GPBP1: variants seen among roughly 807,000 people sequenced by gnomAD.
The protein encoded by GPBP1 is vasculin.
GPBP1 carries 13 observed loss-of-function variants against 56.5 expected under a neutral mutation model. The observed-to-expected ratio is 0.23, with a 90% CI of 0.15 to 0.37. The LOEUF is 0.37. GPBP1 is among the 10% of genes least tolerant of loss of function. GPBP1 has a pLI of 1.00. For missense variants in GPBP1, 477 were observed against 572.3 expected (o/e 0.83, Z 1.70); for synonymous variants, 204 against 188.9 (o/e 1.08, Z -0.66).
At chr5:57,222,541 A>T (rs1172254541) in intron 3 of GPBP1, among the ~76,000 whole-genome samples, 4 of 152,174 alleles carry the variant, frequency 2.6e-5, no homozygotes, top group South Asian at 4.1e-4. Context: ...TTTTTCAAGG[A>T]TACCATCTCT....
intron 6 of GPBP1, 62 bp from the exon 7 acceptor site, chr5:57,246,238 G>C: frequency 1.5e-6 from 2 of 1,357,338 alleles, no homozygotes; most frequent in Non-Finnish European, 2.0e-6. Context: ...TCTTTTGGTG[G>C]TTTTATTCTA....
intron 2 of GPBP1, among the ~76,000 whole-genome samples, chr5:57,193,626 A>C (rs986517135): frequency 2.0e-5 from 3 of 151,410 alleles, no homozygotes; most frequent in Non-Finnish European, 4.4e-5. Context: ...AAAAAAAAAA[A>C]AAAAAAAAAA....
intron 3 of GPBP1, among the ~76,000 whole-genome samples, chr5:57,228,314 G>C (rs562752298): frequency 6.6e-6 from 1 of 152,262 alleles, no homozygotes; most frequent in African/African-American, 2.4e-5. Flanking sequence ...AATTAGCCAG[G>C]TGTGGTGGTG....
At chr5:57,187,058 TA>T (rs943330961) in intron 2 of GPBP1, among the ~76,000 whole-genome samples, 6 of 151,798 alleles carry the variant, frequency 4.0e-5, no homozygotes, top group African/African-American at 1.4e-4. Context: ...TTGTATGTAT[TA>T]TGCTAATTCT....
At chr5:57,237,294 G>T in intron 6 of GPBP1, 2 of 753,692 alleles carry the variant, frequency 2.7e-6, no homozygotes, top group South Asian at 1.6e-5. Context: ...TGATTAGAAT[G>T]AAAGTTTTAA....
At chr5:57,216,859 T>A (rs533265947) in intron 3 of GPBP1, among the ~76,000 whole-genome samples, 1 of 104,946 alleles carries the variant, frequency 9.5e-6, no homozygotes, top group South Asian at 3.1e-4. Context: ...TTTTCATATA[T>A]CTGGAACGCT....
At position 57,175,540 on chromosome 5, in the gene GPBP1, T is replaced by A; in HGVS notation, c.-918T>A. The A allele has an allele frequency of 2.5e-6, 1 of 398,496 alleles. No homozygotes were observed. The highest frequency in any genetic ancestry group is 3.6e-5 in the East Asian group (1 of 28,062). The allele number at this position is 398,496 out of a possible 1,614,324, so 24.7% of individuals were successfully genotyped here. The stretch of plus-strand genomic sequence containing the variant: ...GTGGCCATTTTGGATTTACAGTGTT[T>A]TTGGATAATTTTGCCCCAGAAGTTT... On this transcript the variant is annotated 5_prime_UTR_variant, in exon 2 of 12. Coordinates refer to ENST00000506184, the MANE Select transcript of GPBP1 (RefSeq NM_022913.4).
chr5:57,182,407 CTG>C (rs1365993958), intron 2 of GPBP1, among the ~76,000 whole-genome samples: 2 of 150,816 alleles, frequency 1.3e-5, no homozygotes. Context: ...GAGTCTCACT[CTG>C]TCGCCCAGGC....
chr5:57,233,958 C>T (rs1177012453), intron 5 of GPBP1, among the ~76,000 whole-genome samples: 1 of 152,056 alleles, frequency 6.6e-6, no homozygotes, highest in Non-Finnish European at 1.5e-5. Flanking sequence ...CATATCCCAC[C>T]CCCATTCTCA....
At chr5:57,209,976 T>G (rs368337542) in intron 2 of GPBP1, among the ~76,000 whole-genome samples, 16 of 152,322 alleles carry the variant, frequency 1.1e-4, no homozygotes, top group African/African-American at 3.8e-4. Context: ...TTTGATGGTC[T>G]TTGTGATTTT....
At chr5:57,200,203 TATGCTGCTGGCCAAGGCATGG>T (rs1754950916) in intron 2 of GPBP1, among the ~76,000 whole-genome samples, 1 of 150,048 alleles carries the variant, frequency 6.7e-6, no homozygotes, top group Non-Finnish European at 1.5e-5. Flanking sequence ...GTTTTAGAAT[TATGCTGCTGGCCAAGGCATGG>T]ATGCAGGCAG....
Position 57,229,853 on chromosome 5 carries a change from A to T in GPBP1, c.64-993A>T, listed in dbSNP as rs562509822. ...CATGCCTGGCCTTTTTCAAACATTT[A>T]TTGATCATTTTCATGCATTTTCTTT... On this transcript the variant is annotated intron_variant, in intron 3 of 11. Coordinates refer to ENST00000506184, the MANE Select transcript of GPBP1 (RefSeq NM_022913.4). Among the ~76,000 whole-genome samples the T allele has an allele frequency of 2.0e-5, 3 of 149,954 alleles. No homozygotes were observed. The South Asian group carries it at 6.4e-4, about 32-fold the overall frequency.
chr5:57,174,894 C>T (rs1408417708), intron 1 of GPBP1, among the ~76,000 whole-genome samples: 4 of 152,182 alleles, frequency 2.6e-5, no homozygotes, highest in Admixed American at 6.6e-5. Context: ...GAAGTCTCCT[C>T]GGGAGAATTT....
intron 10 of GPBP1, among the ~76,000 whole-genome samples, chr5:57,254,397 G>A (rs1741544535): frequency 6.6e-6 from 1 of 152,066 alleles, no homozygotes; most frequent in South Asian, 2.1e-4. Context: ...TGAATGTGTA[G>A]GCATTTAATT....
intron 6 of GPBP1, among the ~76,000 whole-genome samples, chr5:57,244,938 A>C (rs1359267626): frequency 6.6e-6 from 1 of 152,098 alleles, no homozygotes; most frequent in African/African-American, 2.4e-5. Flanking sequence ...GGGTTTCACC[A>C]TGTTGGCCAG....
At chr5:57,260,457 G>A (rs534928718) in intron 10 of GPBP1, among the ~76,000 whole-genome samples, 1 of 152,144 alleles carries the variant, frequency 6.6e-6, no homozygotes, top group Non-Finnish European at 1.5e-5. Flanking sequence ...TTCTTGCTTC[G>A]ATTTTAGCAG....
At chr5:57,185,639 CTAA>C (rs1754252316) in intron 2 of GPBP1, among the ~76,000 whole-genome samples, 1 of 151,916 alleles carries the variant, frequency 6.6e-6, no homozygotes. Context: ...TTGCATTTCC[CTAA>C]TAATGATAGC....
intron 2 of GPBP1, among the ~76,000 whole-genome samples, chr5:57,202,395 T>C (rs1207844500): frequency 6.6e-6 from 1 of 152,170 alleles, no homozygotes; most frequent in Non-Finnish European, 1.5e-5. Context: ...TTGAAGTGAT[T>C]CACCTGCCTC....
intron 2 of GPBP1, among the ~76,000 whole-genome samples, chr5:57,191,678 C>G (rs1754532813): frequency 6.6e-6 from 1 of 151,934 alleles, no homozygotes; most frequent in Non-Finnish European, 1.5e-5. Flanking sequence ...TCTCCTGCCT[C>G]AGCCTCCCGA....
Sources: gnomAD v4.1 joint callset for allele counts (sites outside exome capture counted in the v4.1 genomes callset) on GRCh38, gnomAD v4.1.1 for gene constraint, MANE v1.5 for transcripts, NCBI Gene and HGNC (gene_info 2026-07-23, HGNC 2026-07-21) for gene names.